Variants in PDZD2 observed in about 807,000 individuals in gnomAD.
The protein encoded by PDZD2 is PDZ domain-containing protein 2.
In PDZD2, 90 loss-of-function variants were observed where a neutral mutation model predicts 220.7. That is an observed-to-expected ratio of 0.41 (90% CI 0.34 to 0.49). The LOEUF (loss-of-function observed/expected upper bound fraction) is 0.49. Ranked by LOEUF, PDZD2 falls within the 20% of genes least tolerant of loss-of-function variation. The pLI, the probability that PDZD2 is intolerant of heterozygous loss-of-function variation, is 0.28. For synonymous variants in PDZD2, 1,375 were observed against 1,450.5 expected, an observed-to-expected ratio of 0.95 and a Z score of 1.18; for missense variants, 3,174 against 3,608.5, an observed-to-expected ratio of 0.88 and a Z score of 3.08.
chr5:31,692,422 G>A (rs994166283), intron 1 of PDZD2, among the ~76,000 whole-genome samples: 5 of 152,252 alleles, frequency 3.3e-5, no homozygotes, highest in African/African-American at 4.8e-5. Context: ...ACAGTGTAGC[G>A]GCGGGCTGAA....
chr5:31,963,448 G>T (rs1193411322), intron 2 of PDZD2, among the ~76,000 whole-genome samples: 1 of 152,202 alleles, frequency 6.6e-6, no homozygotes, highest in African/African-American at 2.4e-5. Flanking sequence ...TGGGTGCTGG[G>T]AGAGGCGGGG....
At chr5:31,708,848 G>C (rs904949274) in intron 1 of PDZD2, among the ~76,000 whole-genome samples, 1 of 151,120 alleles carries the variant, frequency 6.6e-6, no homozygotes, top group African/African-American at 2.4e-5. Context: ...CTTGGATCTT[G>C]ATGGCCTGGG....
chr5:32,066,945 T>C lies in PDZD2; in HGVS notation c.2452-2624T>C, dbSNP rs116422476. Among the ~76,000 whole-genome samples the C allele has an allele frequency of 3.8e-3, 574 of 152,342 alleles. 3 individuals are homozygous for C. Among genetic ancestry groups the C allele is most frequent in the African/African-American group, 0.013 (530 of 41,580 alleles). On this transcript the variant is annotated intron_variant, in intron 14 of 24. Transcript: ENST00000438447. ...TGTCCGGCATTTGGTTAAATGCCAG[T>C]GTTTGTTTGACTGGATTTCATGTTT...
intron 3 of PDZD2, among the ~76,000 whole-genome samples, chr5:31,988,440 G>T (rs888884861): frequency 5.2e-5 from 5 of 96,158 alleles, no homozygotes; most frequent in Admixed American, 2.3e-4. Flanking sequence ...GGAGATGGGG[G>T]TGGGGGGGGT....
chr5:31,640,960 A>G (rs1202441672), intron 1 of PDZD2, among the ~76,000 whole-genome samples: 1 of 152,184 alleles, frequency 6.6e-6, no homozygotes, highest in African/African-American at 2.4e-5. Context: ...GACATAGTTA[A>G]TATGCTCCTG....
intron 15 of PDZD2, among the ~76,000 whole-genome samples, chr5:32,070,931 C>T (rs530067490): frequency 1.0e-5 from 1 of 99,214 alleles, no homozygotes; most frequent in East Asian, 3.1e-4. Context: ...GAGATCATGC[C>T]ATTGCACTCC....
chr5:31,875,217 T>G (rs895773128), intron 2 of PDZD2, among the ~76,000 whole-genome samples: 2 of 152,168 alleles, frequency 1.3e-5, no homozygotes, highest in African/African-American at 4.8e-5. Context: ...TTAGGGCTTT[T>G]TTGGCTTTCA....
intron 3 of PDZD2, among the ~76,000 whole-genome samples, chr5:31,988,288 G>T (rs1034607034): frequency 1.3e-5 from 2 of 152,228 alleles, no homozygotes; most frequent in East Asian, 3.9e-4. Context: ...CTGATTCCTG[G>T]TTAACTGTCT....
At chr5:31,823,812 G>A (rs549821818) in intron 2 of PDZD2, among the ~76,000 whole-genome samples, 1 of 152,310 alleles carries the variant, frequency 6.6e-6, no homozygotes, top group South Asian at 2.1e-4. Context: ...ATGTTTTACA[G>A]GAGTCCTCCT....
rs759681866 is a variant in PDZD2 at position 32,090,795 on chromosome 5, G to C, written c.7347G>C (p.Leu2449Phe). 16 of 1,613,970 alleles carry C rather than the reference G, an allele frequency of 9.9e-6. No individual in the cohort carries two copies. The highest frequency in any genetic ancestry group is 1.1e-5 in the Non-Finnish European group (13 of 1,180,036). The change falls in exon 20 of 25, where the codon TTG becomes TTC. Residue 2449 changes from leucine to phenylalanine, a missense_variant. Transcript: ENST00000438447. This position sits in a 1 kb window ranked among gnomAD's most constrained non-coding sequence, Gnocchi z 4.3. Reference protein sequence around the residue: ...DSELKKSLGPLGIPTPTMTLA... With the variant: ...DSELKKSLGPFGIPTPTMTLA... ...AACTAAAGAAATCACTTGGTCCTTT[G>C]GGAATTCCCACCCCAACGATGACCC...
chr5:31,740,524 CAAAAAAAAAA>C (rs58965956), intron 1 of PDZD2, among the ~76,000 whole-genome samples: 35 of 60,092 alleles, frequency 5.8e-4, no homozygotes, highest in East Asian at 3.2e-3. Flanking sequence ...GACTCCGTCT[CAAAAAAAAAA>C]AAAAAAAAAA....
intron 22 of PDZD2, 28 bp downstream of exon 22, chr5:32,097,408 G>A: frequency 7.3e-7 from 1 of 1,367,984 alleles, no homozygotes; most frequent in Non-Finnish European, 1.0e-6. Flanking sequence ...TAGGCTCTCA[G>A]GAAAATCCCC....
chr5:31,775,664 C>CGTGTGTGT (rs370394146), intron 1 of PDZD2, among the ~76,000 whole-genome samples: 7,174 of 135,378 alleles, frequency 0.053, 232 homozygotes, highest in Non-Finnish European at 0.06. Flanking sequence ...ACTCACAGAG[C>CGTGTGTGT]GTGTGTGTGT....
In PDZD2 at chr5:31,862,562, TC is replaced by T. The variant is rs1216355093; in HGVS notation, c.476+62839del. On this transcript the variant is annotated intron_variant, in intron 2 of 24. Coordinates refer to ENST00000438447, the MANE Select transcript of PDZD2 (RefSeq NM_178140.4). ...GAGACAACCATGGCACCTTTTCTTT[TC>T]TTTTTTTTTTTTTTTGAGAAGGAGT... 2.3e-5 allele frequency among the ~76,000 whole-genome samples: 3 copies of T among 132,804 alleles called. No homozygotes were observed. The East Asian group carries it at 6.4e-4, about 28-fold the overall frequency. The allele number at this position is 132,804 out of a possible 152,430, so 87.1% of individuals were successfully genotyped here. A position where few individuals can be genotyped will look rare whatever the true frequency, so the allele number is the denominator to read the frequency against.
intron 6 of PDZD2, among the ~76,000 whole-genome samples, chr5:32,016,260 G>A (rs1753772357): frequency 1.3e-5 from 2 of 152,162 alleles, no homozygotes. Flanking sequence ...TTGATCAAAT[G>A]TCCGCTCTAA....
At chr5:31,711,733 C>T (rs866028841) in intron 1 of PDZD2, among the ~76,000 whole-genome samples, 2 of 152,128 alleles carry the variant, frequency 1.3e-5, no homozygotes, top group African/African-American at 4.8e-5. Flanking sequence ...CAAACTTCAG[C>T]AGGACAAGCC....
chr5:31,993,021 C>T (rs1279027606), intron 3 of PDZD2, among the ~76,000 whole-genome samples: 1 of 152,092 alleles, frequency 6.6e-6, no homozygotes, highest in Non-Finnish European at 1.5e-5. Context: ...ACTAGGCCAT[C>T]GGGCCCCATT....
At chr5:31,943,880 G>A (rs915909180) in intron 2 of PDZD2, among the ~76,000 whole-genome samples, 2 of 152,164 alleles carry the variant, frequency 1.3e-5, no homozygotes, top group African/African-American at 4.8e-5. Flanking sequence ...CTCAAATTTG[G>A]TATTTCCTTC....
intron 7 of PDZD2, among the ~76,000 whole-genome samples, chr5:32,038,505 C>A (rs1224371383): frequency 6.6e-6 from 1 of 152,160 alleles, no homozygotes; most frequent in Admixed American, 6.5e-5. Context: ...CCACTGTACT[C>A]CAGCCTGGCA....
Sources: allele counts gnomAD v4.1 joint callset (sites outside exome capture counted in the v4.1 genomes callset), GRCh38; gene constraint gnomAD v4.1.1; non-coding constraint Gnocchi (gnomAD v3.1); transcripts MANE v1.5; gene names NCBI Gene and HGNC (gene_info 2026-07-23, HGNC 2026-07-21).